ST8SIA2: variants seen among roughly 807,000 people sequenced by gnomAD.
ST8SIA2 encodes the protein ST8 alpha-N-acetyl-neuraminide alpha-2,8-sialyltransferase 2.
A neutral mutation model predicts 37.6 loss-of-function variants in ST8SIA2; 22 were observed. That is an observed-to-expected ratio of 0.58 (90% CI 0.42 to 0.83). The LOEUF is 0.83. ST8SIA2 is among the 40% of genes least tolerant of loss of function. The pLI is 0.00. For missense variants in ST8SIA2, 382 were observed against 484.7 expected (o/e 0.79, Z 1.99); for synonymous variants, 205 against 201.2 (o/e 1.02, Z -0.16).
At chr15:92,398,660 G>A in intron 1 of ST8SIA2, among the ~76,000 whole-genome samples, 1 of 152,210 alleles carries the variant, frequency 6.6e-6, no homozygotes, top group East Asian at 1.9e-4. Flanking sequence ...CTCTAAGGTA[G>A]GTACCATTTC....
intron 1 of ST8SIA2, chr15:92,421,264 C>T (rs531605436): frequency 1.6e-4 from 25 of 152,234 alleles, no homozygotes; most frequent in Admixed American, 1.4e-3. Flanking sequence ...TCAGGAAAGC[C>T]GTGCTTTACC....
intron 1 of ST8SIA2, among the ~76,000 whole-genome samples, chr15:92,401,070 C>T (rs925826899): frequency 2.6e-5 from 4 of 151,996 alleles, no homozygotes; most frequent in Admixed American, 1.3e-4. Context: ...AGATAAGGTC[C>T]GGAGCCTCAT....
chr15:92,423,672 C>T (rs534307876), intron 1 of ST8SIA2, among the ~76,000 whole-genome samples: 2 of 152,366 alleles, frequency 1.3e-5, no homozygotes, highest in Admixed American at 6.5e-5. Flanking sequence ...TGAACCCACT[C>T]CCAAAAGTCC....
At chr15:92,395,069 C>A (rs1445351958) in intron 1 of ST8SIA2, among the ~76,000 whole-genome samples, 1 of 151,784 alleles carries the variant, frequency 6.6e-6, no homozygotes, top group Admixed American at 6.5e-5. Flanking sequence ...GAGACTCGCG[C>A]CCCGCCCCGC....
chr15:92,412,520 C>T (rs1042129534), intron 1 of ST8SIA2, among the ~76,000 whole-genome samples: 2 of 152,184 alleles, frequency 1.3e-5, no homozygotes, highest in African/African-American at 4.8e-5. Context: ...TCCCACAGCC[C>T]TTTGCAAGGC....
At chr15:92,395,613 A>G (rs2049425253) in intron 1 of ST8SIA2, among the ~76,000 whole-genome samples, 1 of 152,162 alleles carries the variant, frequency 6.6e-6, no homozygotes, top group Non-Finnish European at 1.5e-5. Flanking sequence ...CGTGCCACCA[A>G]TTCCCACGCA....
intron 1 of ST8SIA2, among the ~76,000 whole-genome samples, chr15:92,403,111 C>A (rs1333734260): frequency 6.6e-6 from 1 of 152,162 alleles, no homozygotes; most frequent in Non-Finnish European, 1.5e-5. Context: ...CCACATTCTG[C>A]TGAGAGCTCA....
rs72766155 is a variant in ST8SIA2 at position 92,442,962 on chromosome 15, A to T, written c.549-1674A>T. ...GGGCCTCCATTTCCTCCTGTGTGAC[A>T]GGAGGGTGATTAAAACTGGGTCACA... On this transcript the variant is annotated intron_variant, in intron 4 of 5. Coordinates refer to ENST00000268164, the MANE Select transcript of ST8SIA2 (RefSeq NM_006011.4). Among the ~76,000 whole-genome samples, 213 of 152,230 alleles carry T rather than the reference A, an allele frequency of 1.4e-3. No individual in the cohort carries two copies. The South Asian group carries it at 0.015, about 11-fold the overall frequency.
At position 92,467,649 on chromosome 15, in the gene ST8SIA2, C is replaced by T. The variant is rs2050002195; in HGVS notation, c.*3264C>T. 1 of 152,086 alleles carries T rather than the reference C, an allele frequency of 6.6e-6. No homozygotes were observed. The highest frequency in any genetic ancestry group is 2.1e-4 in the South Asian group (1 of 4,822). The allele number at this position is 152,086 out of a possible 1,614,324, so 9.4% of individuals were successfully genotyped here. A position where few individuals can be genotyped will look rare whatever the true frequency, so the allele number is the denominator to read the frequency against. ...TTTATTTATTATTTATTTATTGAAA[C>T]CCCTACTTTGATTGACAAAGGAATC... On this transcript the variant is annotated 3_prime_UTR_variant, in exon 6 of 6. Transcript: ENST00000268164.
intron 3 of ST8SIA2, among the ~76,000 whole-genome samples, chr15:92,437,535 G>A (rs981880999): frequency 6.6e-6 from 1 of 152,072 alleles, no homozygotes; most frequent in Non-Finnish European, 1.5e-5. Flanking sequence ...GCCCTTCTCC[G>A]TGGAACTGGG....
chr15:92,441,070 C>G (rs2049798016), intron 4 of ST8SIA2, among the ~76,000 whole-genome samples: 1 of 152,198 alleles, frequency 6.6e-6, no homozygotes, highest in Non-Finnish European at 1.5e-5. Context: ...CGCTGTGAAG[C>G]TCCTGATGGA....
At chr15:92,453,628 C>T (rs1013786317) in intron 5 of ST8SIA2, among the ~76,000 whole-genome samples, 7 of 152,196 alleles carry the variant, frequency 4.6e-5, no homozygotes, top group African/African-American at 1.7e-4. Flanking sequence ...CTTTTCTCTG[C>T]CTGGCCAGAT....
intron 5 of ST8SIA2, among the ~76,000 whole-genome samples, chr15:92,454,661 G>A (rs1450392922): frequency 6.6e-6 from 1 of 151,996 alleles, no homozygotes; most frequent in Non-Finnish European, 1.5e-5. Context: ...GCTCTCACCA[G>A]CAGCTGGCAG....
intron 5 of ST8SIA2, among the ~76,000 whole-genome samples, chr15:92,458,080 G>A (rs977154820): frequency 2.6e-5 from 4 of 152,184 alleles, no homozygotes; most frequent in African/African-American, 9.7e-5. Flanking sequence ...CGGAAGTCAG[G>A]ATAATCAATC....
intron 1 of ST8SIA2, among the ~76,000 whole-genome samples, chr15:92,396,473 T>TTTG (rs978251254): frequency 4.6e-5 from 7 of 151,884 alleles, no homozygotes; most frequent in East Asian, 1.9e-4. Context: ...TGTTTTTGTT[T>TTTG]TTTTTTTTGT....
At chr15:92,445,187 G>A (rs2049833293) in intron 5 of ST8SIA2, 7 of 575,704 alleles carry the variant, frequency 1.2e-5, no homozygotes, top group Non-Finnish European at 1.9e-5. Context: ...TGATCTTGGG[G>A]GTGGGGCTGT....
At chr15:92,460,851 G>T (rs1378738959) in intron 5 of ST8SIA2, among the ~76,000 whole-genome samples, 4 of 152,216 alleles carry the variant, frequency 2.6e-5, no homozygotes, top group African/African-American at 9.6e-5. Flanking sequence ...TCTTCCCCTT[G>T]CCATCTGAGT....
intron 2 of ST8SIA2, 85 bp downstream of exon 2, chr15:92,430,196 T>G (rs1368072494): frequency 7.6e-7 from 1 of 1,317,556 alleles, no homozygotes; most frequent in Non-Finnish European, 1.1e-6. Context: ...ATGGTGCCCT[T>G]CTTACTTAGC....
chr15:92,464,293 C>T lies in ST8SIA2; in HGVS notation c.1036C>T (p.His346Tyr). The T allele has an allele frequency of 6.2e-7, 1 of 1,614,044 alleles. No individual in the cohort carries two copies. The highest frequency in any genetic ancestry group is 8.5e-7 in the Non-Finnish European group (1 of 1,180,018). Residue 346 changes from histidine (H) to tyrosine (Y), a missense_variant, in exon 6 of 6, where the codon CAT becomes TAT. Transcript: ENST00000268164. ...TGGCTACACCTCCCAGGCCAGCCCG[C>T]ATACCATGCCCTTGGAGTTTAAGGC... ...KYGYTSQASP[H>Y]TMPLEFKALK...
Sources: gnomAD v4.1 joint callset for allele counts (sites outside exome capture counted in the v4.1 genomes callset) on GRCh38, gnomAD v4.1.1 for gene constraint, MANE v1.5 for transcripts, NCBI Gene and HGNC (gene_info 2026-07-23, HGNC 2026-07-21) for gene names.